The following PIGL variants were observed in gnomAD, a reference collection of about 807,000 sequenced individuals.
PIGL encodes the protein N-acetylglucosaminyl-phosphatidylinositol de-N-acetylase.
PIGL carries 22 observed loss-of-function variants against 31.1 expected under a neutral mutation model. That is an observed-to-expected ratio of 0.71 (90% confidence interval 0.51 to 1.01). The LOEUF (loss-of-function observed/expected upper bound fraction) is 1.01, where lower values mean the gene tolerates loss of function less well. Ranked by LOEUF, PIGL falls within the 50% of genes least tolerant of loss-of-function variation. The pLI is 0.00. For missense variants in PIGL, 302 were observed against 315.9 expected, an observed-to-expected ratio of 0.96 and a Z score of 0.33; for synonymous variants, 131 against 117.4, an observed-to-expected ratio of 1.12 and a Z score of -0.75.
At chr17:16,236,145 G>T (rs1425960057) in intron 2 of PIGL, among the ~76,000 whole-genome samples, 1 of 152,088 alleles carries the variant, frequency 6.6e-6, no homozygotes, top group East Asian at 1.9e-4. Flanking sequence ...AAACAGGATA[G>T]GTGCTTAATT....
At chr17:16,269,049 A>G (rs1240281716) in intron 2 of PIGL, among the ~76,000 whole-genome samples, 5 of 152,246 alleles carry the variant, frequency 3.3e-5, no homozygotes, top group Non-Finnish European at 7.3e-5. Flanking sequence ...TGCGTAAGCA[A>G]CCATGCCCAG....
At chr17:16,219,408 C>T (rs542095111) in intron 1 of PIGL, among the ~76,000 whole-genome samples, 11 of 152,100 alleles carry the variant, frequency 7.2e-5, no homozygotes, top group Non-Finnish European at 1.0e-4. Flanking sequence ...CCCCAAAAAC[C>T]TTTGTTACCA....
chr17:16,311,743 A>T (rs562681650), intron 3 of PIGL, among the ~76,000 whole-genome samples: 4 of 151,638 alleles, frequency 2.6e-5, no homozygotes, highest in African/African-American at 7.3e-5. Flanking sequence ...CTGAGTGGAC[A>T]CAGCACATGT....
At chr17:16,221,820 C>A (rs1568774078) in intron 1 of PIGL, among the ~76,000 whole-genome samples, 1 of 152,108 alleles carries the variant, frequency 6.6e-6, no homozygotes, top group Admixed American at 6.6e-5. Context: ...AGGGTTTCAC[C>A]ATGTTGGCTG....
intron 3 of PIGL, among the ~76,000 whole-genome samples, chr17:16,308,856 A>G (rs1018764931): frequency 2.2e-5 from 3 of 137,186 alleles, no homozygotes; most frequent in Non-Finnish European, 3.0e-5. Flanking sequence ...TGGTGTGATC[A>G]TGGCTCACTG....
At chr17:16,316,782 T>C (rs1293127422) in intron 5 of PIGL, 70 bp downstream of exon 5, 10 of 1,597,102 alleles carry the variant, frequency 6.3e-6, no homozygotes, top group South Asian at 1.1e-5. Context: ...GGGGGAAATT[T>C]GCAAATCCAC....
intron 1 of PIGL, 185 bp downstream of exon 1, chr17:16,217,646 A>ACT: frequency 2.0e-6 from 1 of 511,626 alleles, no homozygotes. Flanking sequence ...GGGTTGGGGG[A>ACT]CGTCGGCAGC....
intron 2 of PIGL, among the ~76,000 whole-genome samples, chr17:16,254,558 G>T (rs529197349): frequency 6.7e-6 from 1 of 150,372 alleles, no homozygotes; most frequent in African/African-American, 2.4e-5. Context: ...GTGAGCCACC[G>T]CACCTGGCAT....
chr17:16,315,482 G>T (rs117121693), intron 4 of PIGL, among the ~76,000 whole-genome samples: 3,046 of 151,884 alleles, frequency 0.02, 49 homozygotes, highest in Non-Finnish European at 0.03. Flanking sequence ...GTGGCCCCTT[G>T]GTCCCCCTGT....
At chr17:16,257,455 G>A (rs1264333202) in intron 2 of PIGL, among the ~76,000 whole-genome samples, 3 of 152,102 alleles carry the variant, frequency 2.0e-5, no homozygotes, top group African/African-American at 7.2e-5. Flanking sequence ...AACACTAGTT[G>A]CCTCTGAAGA....
intron 6 of PIGL, among the ~76,000 whole-genome samples, chr17:16,321,867 C>T (rs1053029370): frequency 2.0e-5 from 3 of 151,970 alleles, no homozygotes; most frequent in Non-Finnish European, 4.4e-5. Context: ...TCACCTCAAC[C>T]TTCGCCTCCC....
At chr17:16,250,108 G>A (rs753598460) in intron 2 of PIGL, among the ~76,000 whole-genome samples, 15 of 151,998 alleles carry the variant, frequency 9.9e-5, no homozygotes, top group South Asian at 2.1e-4. Flanking sequence ...CACCATGTCC[G>A]GCTAATTTTT....
chr17:16,296,592 A>C (rs2092983146), intron 2 of PIGL, among the ~76,000 whole-genome samples: 1 of 150,074 alleles, frequency 6.7e-6, no homozygotes, highest in African/African-American at 2.4e-5. Flanking sequence ...CCTGGGCAAC[A>C]GAGTGAGACT....
chr17:16,317,074 G>A, intron 5 of PIGL: 1 of 1,076,682 alleles, frequency 9.3e-7, no homozygotes. Flanking sequence ...GAACCAATCT[G>A]CCTGAGTTAG....
intron 2 of PIGL, among the ~76,000 whole-genome samples, chr17:16,261,337 C>T (rs936899458): frequency 3.3e-5 from 5 of 151,946 alleles, no homozygotes; most frequent in Admixed American, 1.3e-4. Flanking sequence ...TTCTAGCTGG[C>T]GAAGCAACAC....
chr17:16,326,165 A>G lies in PIGL; in HGVS notation c.*267A>G. The G allele has an allele frequency of 2.3e-6, 1 of 433,458 alleles. No homozygotes were observed. The highest frequency in any genetic ancestry group is 4.0e-5 in the Admixed American group (1 of 25,204). The allele number at this position is 433,458 out of a possible 1,614,324, so 26.9% of individuals were successfully genotyped here. A position where few individuals can be genotyped will look rare whatever the true frequency, so the allele number is the denominator to read the frequency against. Reference sequence around the variant, plus strand: ...CTCAAGTTCTTGTGAAAAACAATTTACATAATGACACAGTAGATGTGGAAC... The same window carrying G: ...CTCAAGTTCTTGTGAAAAACAATTTGCATAATGACACAGTAGATGTGGAAC... On this transcript the variant is annotated 3_prime_UTR_variant, in exon 7 of 7. Coordinates refer to ENST00000225609, the MANE Select transcript of PIGL (RefSeq NM_004278.4).
At chr17:16,295,402 CAA>C (rs60864452) in intron 2 of PIGL, among the ~76,000 whole-genome samples, 2,272 of 72,296 alleles carry the variant, frequency 0.031, 59 homozygotes, top group African/African-American at 0.097. Flanking sequence ...GACTCCGTCT[CAA>C]AAAAAAAAAA....
chr17:16,259,347 C>A (rs1181114448), intron 2 of PIGL, among the ~76,000 whole-genome samples: 1 of 105,788 alleles, frequency 9.5e-6, no homozygotes, highest in Non-Finnish European at 2.0e-5. Flanking sequence ...AACAATGGTG[C>A]CAAGACAATT....
At chr17:16,251,018 G>T (rs1018017958) in intron 2 of PIGL, among the ~76,000 whole-genome samples, 1 of 152,166 alleles carries the variant, frequency 6.6e-6, no homozygotes, top group Admixed American at 6.5e-5. Context: ...GAGATTAAGA[G>T]AATCTTTGTG....
Sources: allele counts gnomAD v4.1 joint callset (sites outside exome capture counted in the v4.1 genomes callset), GRCh38; gene constraint gnomAD v4.1.1; transcripts MANE v1.5; gene names NCBI Gene and HGNC (gene_info 2026-07-23, HGNC 2026-07-21).